The following SLC17A8 variants were observed in gnomAD, a reference collection of about 807,000 sequenced individuals.
The protein encoded by SLC17A8 is solute carrier family 17 member 8.
In SLC17A8, 31 loss-of-function variants were observed where a neutral mutation model predicts 58.0. The observed-to-expected ratio is 0.53, with a 90% CI of 0.40 to 0.72. The LOEUF (loss-of-function observed/expected upper bound fraction) is 0.72, where lower values mean the gene tolerates loss of function less well. SLC17A8 is among the 30% of genes least tolerant of loss of function. The probability of loss-of-function intolerance (pLI) is 0.00; values close to 1 mark genes in which losing one functional copy is unlikely to be tolerated. For synonymous variants in SLC17A8, 228 were observed against 249.0 expected (o/e 0.92, Z 0.79); for missense variants, 655 against 727.8 (o/e 0.90, Z 1.15).
intron 1 of SLC17A8, among the ~76,000 whole-genome samples, chr12:100,358,150 A>G (rs1952461194): frequency 6.6e-6 from 1 of 152,192 alleles, no homozygotes; most frequent in South Asian, 2.1e-4. Flanking sequence ...GTTTGCTATA[A>G]ATGATTGAAT....
intron 1 of SLC17A8, among the ~76,000 whole-genome samples, chr12:100,364,558 G>A (rs1418354977): frequency 6.6e-6 from 1 of 152,206 alleles, no homozygotes; most frequent in South Asian, 2.1e-4. Context: ...GAGGACGGAA[G>A]CTAGCTGACA....
chr12:100,396,185 G>A, intron 4 of SLC17A8, 145 bp from the exon 5 acceptor site: 1 of 718,578 alleles, frequency 1.4e-6, no homozygotes, highest in Non-Finnish European at 2.5e-6. Context: ...TAGGAATTTG[G>A]TGGGGACACA....
At chr12:100,401,423 C>T (rs1952790468) in intron 5 of SLC17A8, among the ~76,000 whole-genome samples, 2 of 151,800 alleles carry the variant, frequency 1.3e-5, no homozygotes. Flanking sequence ...TTGTATGTTC[C>T]TTTGCTTGCT....
At chr12:100,400,975 G>A (rs542107302) in intron 5 of SLC17A8, among the ~76,000 whole-genome samples, 228 of 148,230 alleles carry the variant, frequency 1.5e-3, no homozygotes, top group Middle Eastern at 3.7e-3. Flanking sequence ...TTGCCATCTG[G>A]AATTTAATTG....
chr12:100,393,995 T>C (rs1952734481), intron 4 of SLC17A8, among the ~76,000 whole-genome samples: 1 of 152,208 alleles, frequency 6.6e-6, no homozygotes, highest in Non-Finnish European at 1.5e-5. Flanking sequence ...AGAGACAATA[T>C]GGAAACAAAT....
intron 2 of SLC17A8, among the ~76,000 whole-genome samples, chr12:100,388,516 A>G (rs758687220): frequency 3.0e-4 from 46 of 152,318 alleles, no homozygotes; most frequent in Non-Finnish European, 5.6e-4. Flanking sequence ...ATTGAGCTTC[A>G]ACTTTCTAAT....
intron 2 of SLC17A8, among the ~76,000 whole-genome samples, chr12:100,390,633 C>CCA (rs954001375): frequency 6.6e-6 from 1 of 151,926 alleles, no homozygotes; most frequent in African/African-American, 2.4e-5. Context: ...CAGGTGTGAG[C>CCA]CACCGCACCC....
chr12:100,396,824 A>T (rs1952757901), intron 5 of SLC17A8, among the ~76,000 whole-genome samples: 1 of 152,098 alleles, frequency 6.6e-6, no homozygotes, highest in Non-Finnish European at 1.5e-5. Flanking sequence ...GGGCCTTAAA[A>T]TGAGTCTATT....
intron 10 of SLC17A8, among the ~76,000 whole-genome samples, chr12:100,413,375 T>C (rs1952884230): frequency 6.6e-6 from 1 of 152,116 alleles, no homozygotes; most frequent in African/African-American, 2.4e-5. Context: ...TGCGGGTCCA[T>C]AGAGGGGAAG....
At position 100,419,923 on chromosome 12, in the gene SLC17A8, C is replaced by T. The variant is rs759180942; in HGVS notation, c.1534C>T (p.Pro512Ser). The change falls in exon 12 of 12, where the codon CCA (proline) becomes TCA (serine). Residue 512 changes from proline to serine, a missense_variant. Physicochemically the swap from Pro to Ser is moderately conservative, Grantham distance 74 (BLOSUM62 -1). Coordinates refer to ENST00000323346, the MANE Select transcript of SLC17A8 (RefSeq NM_139319.3). ...TGGGGAGAAACAGGAGTGGGCTGAC[C>T]CAGAGAATCTCTCTGAGGAGAAATG... ...ASGEKQEWAD[P>S]ENLSEEKCGI... is the part of the protein sequence containing the mutation. The T allele has an allele frequency of 2.5e-6, 4 of 1,613,724 alleles. No individual in the cohort carries two copies. Among genetic ancestry groups the T allele is most frequent in the South Asian group, 1.1e-5 (1 of 91,074 alleles).
At chr12:100,359,570 T>C (rs1952470983) in intron 1 of SLC17A8, among the ~76,000 whole-genome samples, 1 of 152,192 alleles carries the variant, frequency 6.6e-6, no homozygotes. Context: ...TTGTCCTAAT[T>C]GTAGAATGGC....
At chr12:100,395,603 G>A (rs913671019) in intron 4 of SLC17A8, among the ~76,000 whole-genome samples, 1 of 151,592 alleles carries the variant, frequency 6.6e-6, no homozygotes, top group Non-Finnish European at 1.5e-5. Flanking sequence ...GGGATTACAA[G>A]CATAAGCCAC....
At chr12:100,390,100 C>T (rs931004464) in intron 2 of SLC17A8, among the ~76,000 whole-genome samples, 3 of 151,692 alleles carry the variant, frequency 2.0e-5, no homozygotes, top group East Asian at 2.0e-4. Context: ...GGATTACAGG[C>T]GTGAGCCATT....
At chr12:100,366,175 A>C (rs1459834349) in intron 1 of SLC17A8, among the ~76,000 whole-genome samples, 1 of 151,490 alleles carries the variant, frequency 6.6e-6, no homozygotes, top group African/African-American at 2.4e-5. Flanking sequence ...CATTCTGCAT[A>C]ATATAATACT....
In SLC17A8 at chr12:100,390,595, G is replaced by A. The variant is rs553514915; in HGVS notation, c.355-406G>A. On this transcript the variant is annotated intron_variant, in intron 2 of 11. Transcript: ENST00000323346. ...GATCTCCTGACCTCGTGATCCACCCGCCTCAGCCTCCCAAAGTGCTGGGAT... is the reference window on the plus strand; with the variant it reads ...GATCTCCTGACCTCGTGATCCACCCACCTCAGCCTCCCAAAGTGCTGGGAT... 7.9e-5 allele frequency among the ~76,000 whole-genome samples: 12 copies of A among 151,694 alleles called. No individual in the cohort carries two copies. In the South Asian group the frequency reaches 1.9e-3, roughly 24 times the overall value.
intron 2 of SLC17A8, among the ~76,000 whole-genome samples, chr12:100,389,767 G>C (rs1952700825): frequency 6.6e-6 from 1 of 150,482 alleles, no homozygotes; most frequent in African/African-American, 2.4e-5. Context: ...TGAGTAGCTA[G>C]GACTACAGGC....
intron 9 of SLC17A8, among the ~76,000 whole-genome samples, chr12:100,411,862 A>G (rs1454628693): frequency 6.6e-6 from 1 of 150,644 alleles, no homozygotes; most frequent in Non-Finnish European, 1.5e-5. Flanking sequence ...TTTTTTTTTA[A>G]GAGGCCTGAG....
chr12:100,402,762 T>C lies in SLC17A8; in HGVS notation c.1053+17T>C, dbSNP rs1221038054. On this transcript the variant is annotated intron_variant, in intron 8 of 11. Coordinates refer to ENST00000323346, the MANE Select transcript of SLC17A8 (RefSeq NM_139319.3). Reference sequence around the variant, plus strand: ...ATAAGTAAGGTAAACACACAGATGCTCCAAATATTTTTGAACTTTAAATCT... The same window carrying C: ...ATAAGTAAGGTAAACACACAGATGCCCCAAATATTTTTGAACTTTAAATCT... 1.2e-6 allele frequency: 2 copies of C among 1,605,088 alleles called. No individual in the cohort carries two copies. The highest frequency in any genetic ancestry group is 1.7e-6 in the Non-Finnish European group (2 of 1,177,224).
At chr12:100,408,960 T>A (rs926820780) in intron 9 of SLC17A8, among the ~76,000 whole-genome samples, 3 of 152,232 alleles carry the variant, frequency 2.0e-5, no homozygotes, top group African/African-American at 7.2e-5. Context: ...CATTTCATCC[T>A]CTTTAGAAGC....
Sources: gnomAD v4.1 joint callset for allele counts (sites outside exome capture counted in the v4.1 genomes callset) on GRCh38, gnomAD v4.1.1 for gene constraint, MANE v1.5 for transcripts, NCBI Gene and HGNC (gene_info 2026-07-23, HGNC 2026-07-21) for gene names.